MEPE: variants seen among roughly 807,000 people sequenced by gnomAD.
The protein encoded by MEPE is matrix extracellular phosphoglycoprotein.
MEPE carries 7 observed loss-of-function variants against 7.3 expected under a neutral mutation model. The ratio of observed to expected loss-of-function variants is 0.95; its 90% CI spans 0.54 to 1.79. The LOEUF (loss-of-function observed/expected upper bound fraction) is 1.79. Among genes scored for constraint, MEPE ranks in the 40% most tolerant of loss-of-function variants. The probability of loss-of-function intolerance (pLI) is 0.00; values close to 1 mark genes in which losing one functional copy is unlikely to be tolerated. For synonymous variants in MEPE, 214 were observed against 213.1 expected, an observed-to-expected ratio of 1.00 and a Z score of -0.04; for missense variants, 623 against 628.2, an observed-to-expected ratio of 0.99 and a Z score of 0.09.
chr4:87,830,706 T>C (rs1722574992), upstream of MEPE, among the ~76,000 whole-genome samples: 1 of 151,992 alleles, frequency 6.6e-6, no homozygotes, highest in Non-Finnish European at 1.5e-5. Flanking sequence ...GTAATGAACC[T>C]TCACATGTAC....
chr4:87,827,424 C>T (rs1269538803), intron 1 of MEPE, among the ~76,000 whole-genome samples: 4 of 152,098 alleles, frequency 2.6e-5, no homozygotes, highest in Admixed American at 6.5e-5. Context: ...TAAGCTAAGA[C>T]GATATACACC....
In MEPE at chr4:87,835,290, C is replaced by T. The variant is rs369073460; in HGVS notation, c.54+522C>T. ...GCGAGGCTAGAGGTGGGACGTAGTA[C>T]CTCCAAGCTTAACCCAAATCAAGCT... On this transcript the variant is annotated intron_variant, in intron 2 of 3. Coordinates refer to ENST00000361056, the MANE Select transcript of MEPE (RefSeq NM_020203.6). 3.8e-4 allele frequency among the ~76,000 whole-genome samples: 58 copies of T among 152,184 alleles called. 1 individual carries two copies. Among genetic ancestry groups the T allele is most frequent in the African/African-American group, 1.3e-3 (53 of 41,444 alleles).
upstream of MEPE, among the ~76,000 whole-genome samples, chr4:87,829,678 A>G (rs1722551361): frequency 6.6e-6 from 1 of 151,382 alleles, no homozygotes; most frequent in Non-Finnish European, 1.5e-5. Context: ...GAAATTCCTG[A>G]ATTATTTATT....
rs149160298 is a variant in MEPE, at chr4:87,845,685, G to T, written c.817G>T (p.Gly273Cys). 5 of 1,613,634 alleles carry T rather than the reference G, an allele frequency of 3.1e-6. No homozygotes were observed. Among genetic ancestry groups the T allele is most frequent in the Non-Finnish European group, 4.2e-6 (5 of 1,179,912 alleles). ...CATTCCTGGTAAAGGAGAAGCTACT[G>T]GTCCTGACCTAGAAGGCAAAGATAT... ...KDIPGKGEAT[G>C]PDLEGKDIQT... is the part of the protein sequence containing the mutation. The change falls in exon 4 of 4, where the codon GGT (glycine) becomes TGT (cysteine). Residue 273 changes from glycine to cysteine, a missense_variant. Transcript: ENST00000361056.
chr4:87,839,213 G>C (rs1356128437), intron 3 of MEPE, among the ~76,000 whole-genome samples: 1 of 152,118 alleles, frequency 6.6e-6, no homozygotes, highest in Non-Finnish European at 1.5e-5. Context: ...TATGTTCTAA[G>C]AACTAACAAT....
At chr4:87,829,942 G>A (rs1234048650), upstream of MEPE, among the ~76,000 whole-genome samples, 1 of 145,708 alleles carries the variant, frequency 6.9e-6, no homozygotes, top group Admixed American at 7.0e-5. Context: ...TGGAGAAACT[G>A]AGGCACAGAA....
chr4:87,828,247 C>T (rs1213090736), upstream of MEPE, among the ~76,000 whole-genome samples: 1 of 152,044 alleles, frequency 6.6e-6, no homozygotes, highest in East Asian at 1.9e-4. Flanking sequence ...CCCCACTGAT[C>T]CAGGAGGGGA....
At chr4:87,836,708 C>T (rs1722808734) in intron 2 of MEPE, among the ~76,000 whole-genome samples, 1 of 152,088 alleles carries the variant, frequency 6.6e-6, no homozygotes, top group Non-Finnish European at 1.5e-5. Flanking sequence ...TTACTAAATG[C>T]TTTTTCATAT....
upstream of MEPE, among the ~76,000 whole-genome samples, chr4:87,832,210 C>T (rs183276018): frequency 1.2e-4 from 18 of 152,150 alleles, no homozygotes; most frequent in Admixed American, 1.1e-3. Flanking sequence ...GACTTAATCA[C>T]CTTCTAAAGA....
chr4:87,824,231 G>A (rs1295721473), intron 1 of MEPE, among the ~76,000 whole-genome samples: 1 of 152,190 alleles, frequency 6.6e-6, no homozygotes, highest in African/African-American at 2.4e-5. Context: ...CAGAATTTGT[G>A]CTGTCGATTT....
chr4:87,837,164 A>AGGGGT (rs1201614981), intron 2 of MEPE, among the ~76,000 whole-genome samples: 1 of 152,166 alleles, frequency 6.6e-6, no homozygotes, highest in Non-Finnish European at 1.5e-5. Context: ...AAAGCCAACC[A>AGGGGT]GGGGTGGTGA....
chr4:87,838,542 T>G (rs955207527), intron 2 of MEPE, 90 bp from the exon 3 acceptor site: 22 of 1,198,468 alleles, frequency 1.8e-5, no homozygotes, highest in Non-Finnish European at 2.3e-5. Flanking sequence ...TACAACTCAG[T>G]GAGAGAAAAA....
At chr4:87,822,338 T>A (rs982995329) in intron 1 of MEPE, among the ~76,000 whole-genome samples, 2 of 152,096 alleles carry the variant, frequency 1.3e-5, no homozygotes, top group African/African-American at 4.8e-5. Flanking sequence ...GGTTTTGTAA[T>A]CTCCACTTCT....
intron 3 of MEPE, among the ~76,000 whole-genome samples, chr4:87,839,460 T>C (rs1722926134): frequency 6.6e-6 from 1 of 152,016 alleles, no homozygotes; most frequent in Non-Finnish European, 1.5e-5. Flanking sequence ...GACAGGCCCT[T>C]AGGGAAAACA....
chr4:87,835,046 C>T (rs569682511), intron 2 of MEPE, among the ~76,000 whole-genome samples: 1 of 152,200 alleles, frequency 6.6e-6, no homozygotes, highest in African/African-American at 2.4e-5. Flanking sequence ...CATTTCAAAT[C>T]AGCTGATACT....
chr4:87,834,816 T>C (rs767518250), intron 2 of MEPE, 48 bp downstream of exon 2: 7 of 1,502,828 alleles, frequency 4.7e-6, no homozygotes, highest in Non-Finnish European at 6.4e-6. Context: ...TCTTGCTCTC[T>C]TCATTTGTTT....
chr4:87,834,159 A>G (rs1192198898), intron 1 of MEPE, among the ~76,000 whole-genome samples: 1 of 152,184 alleles, frequency 6.6e-6, no homozygotes, highest in African/African-American at 2.4e-5. Context: ...GTTAGCCATT[A>G]ATGTCAGTGT....
chr4:87,827,812 G>A (rs924066180), intron 1 of MEPE, among the ~76,000 whole-genome samples: 1 of 152,176 alleles, frequency 6.6e-6, no homozygotes, highest in African/African-American at 2.4e-5. Flanking sequence ...AAGCCCAGAG[G>A]AATGAACACA....
Position 87,845,995 on chromosome 4 carries a change from C to A in MEPE, c.1127C>A (p.Pro376His). 6.2e-7 allele frequency: 1 copy of A among 1,613,850 alleles called. No homozygotes were observed. The highest frequency in any genetic ancestry group is 8.5e-7 in the Non-Finnish European group (1 of 1,179,956). Residue 376 changes from proline (P) to histidine (H), a missense_variant, in exon 4 of 4, where the codon CCT becomes CAT. Physicochemically the swap from Pro to His is moderately conservative, Grantham distance 77 (BLOSUM62 -2). Transcript: ENST00000361056. ...HQGKVEFHYP[P>H]APSKEKRKEG... ...GGGAAGGTTGAGTTTCATTACCCTCCTGCACCCTCAAAAGAGAAAAGAAAA... is the reference window on the plus strand; with the variant it reads ...GGGAAGGTTGAGTTTCATTACCCTCATGCACCCTCAAAAGAGAAAAGAAAA...
Sources: allele counts gnomAD v4.1 joint callset (sites outside exome capture counted in the v4.1 genomes callset), GRCh38; gene constraint gnomAD v4.1.1; transcripts MANE v1.5; gene names NCBI Gene and HGNC (gene_info 2026-07-23, HGNC 2026-07-21).